PXDNL: variants seen among roughly 807,000 people sequenced by gnomAD.
The protein encoded by PXDNL is peroxidasin like, also known as probable oxidoreductase PXDNL.
In PXDNL, 145 loss-of-function variants were observed where a neutral mutation model predicts 150.8. The observed-to-expected ratio is 0.96, with a 90% CI of 0.84 to 1.10. The LOEUF (loss-of-function observed/expected upper bound fraction) is 1.10, where lower values mean the gene tolerates loss of function less well. PXDNL is among the 50% of genes least tolerant of loss of function. The pLI is 0.00. For missense variants in PXDNL, 2,087 were observed against 1,873.9 expected (o/e 1.11, Z -2.10); for synonymous variants, 757 against 725.7 (o/e 1.04, Z -0.69).
intron 2 of PXDNL, among the ~76,000 whole-genome samples, chr8:51,644,464 T>G (rs1814871535): frequency 8.0e-6 from 1 of 124,948 alleles, no homozygotes; most frequent in Non-Finnish European, 1.8e-5. Flanking sequence ...TGTTTTTGTT[T>G]TTGTTTTTGT....
intron 1 of PXDNL, among the ~76,000 whole-genome samples, chr8:51,722,532 T>C (rs1191253763): frequency 6.6e-6 from 1 of 152,130 alleles, no homozygotes; most frequent in African/African-American, 2.4e-5. Flanking sequence ...ACACACAGAC[T>C]CAGGGATGAA....
At chr8:51,544,877 T>G (rs1264793555) in intron 4 of PXDNL, among the ~76,000 whole-genome samples, 1 of 151,544 alleles carries the variant, frequency 6.6e-6, no homozygotes, top group African/African-American at 2.4e-5. Flanking sequence ...ATGGATGATG[T>G]ACAATAAGAA....
chr8:51,409,110 G>A lies in PXDNL; in HGVS notation c.2514C>T (p.Asn838=), dbSNP rs751227136. Reference sequence around the variant, plus strand: ...TGTTCATGGGGAAACAAGGAGGGTCGTTGGTGCAGACGGAGCTGCACGGCC... The same window carrying A: ...TGTTCATGGGGAAACAAGGAGGGTCATTGGTGCAGACGGAGCTGCACGGCC... ...DGRPCSSVCT[N]DPPCFPMNTR... is the part of the protein sequence containing the mutation. The change falls in exon 17 of 23, where the codon AAC becomes AAT. Residue 838 remains asparagine, a synonymous_variant. Coordinates refer to ENST00000356297, the MANE Select transcript of PXDNL (RefSeq NM_144651.5). 21 of 1,608,788 alleles carry A rather than the reference G, an allele frequency of 1.3e-5. No individual in the cohort carries two copies. Among genetic ancestry groups the A allele is most frequent in the Non-Finnish European group, 1.7e-5 (20 of 1,179,342 alleles).
chr8:51,324,729 T>A (rs917004855), intron 21 of PXDNL, among the ~76,000 whole-genome samples: 3 of 152,244 alleles, frequency 2.0e-5, no homozygotes, highest in Non-Finnish European at 4.4e-5. Context: ...CATCAACTGA[T>A]CTTTTTTATT....
At chr8:51,445,423 T>G (rs1269976849) in intron 12 of PXDNL, among the ~76,000 whole-genome samples, 1 of 152,214 alleles carries the variant, frequency 6.6e-6, no homozygotes, top group Non-Finnish European at 1.5e-5. Context: ...TGCTTCCATA[T>G]TCATGCCAAT....
At chr8:51,792,665 G>A (rs2037524242) in intron 1 of PXDNL, among the ~76,000 whole-genome samples, 2 of 152,170 alleles carry the variant, frequency 1.3e-5, no homozygotes, top group South Asian at 4.1e-4. Context: ...AGACTGGATG[G>A]TTTGGACCCA....
intron 1 of PXDNL, among the ~76,000 whole-genome samples, chr8:51,716,844 G>A (rs941256302): frequency 6.6e-6 from 1 of 152,174 alleles, no homozygotes; most frequent in Admixed American, 6.5e-5. Context: ...GCAAGCAAGG[G>A]GAAGAGATGC....
At chr8:51,749,635 G>A (rs940785314) in intron 1 of PXDNL, among the ~76,000 whole-genome samples, 3 of 152,180 alleles carry the variant, frequency 2.0e-5, no homozygotes, top group African/African-American at 7.2e-5. Context: ...TGAAGGCCTA[G>A]GACATTACTG....
At chr8:51,599,266 T>C (rs1453180930) in intron 2 of PXDNL, among the ~76,000 whole-genome samples, 1 of 152,018 alleles carries the variant, frequency 6.6e-6, no homozygotes, top group Non-Finnish European at 1.5e-5. Flanking sequence ...ACTTCTTTTC[T>C]CCTGCTAGTT....
chr8:51,534,094 G>C (rs879199768), intron 4 of PXDNL, among the ~76,000 whole-genome samples: 1 of 144,152 alleles, frequency 6.9e-6, no homozygotes, highest in Admixed American at 6.7e-5. Flanking sequence ...GTCTCTGCCC[G>C]GCCGCCCATG....
At chr8:51,788,613 C>A (rs1316125648) in intron 1 of PXDNL, among the ~76,000 whole-genome samples, 1 of 152,148 alleles carries the variant, frequency 6.6e-6, no homozygotes, top group Non-Finnish European at 1.5e-5. Flanking sequence ...TCTCAGGGCT[C>A]CCTCTTTCCC....
intron 4 of PXDNL, among the ~76,000 whole-genome samples, chr8:51,550,356 C>A (rs759821386): frequency 2.0e-5 from 3 of 151,906 alleles, no homozygotes; most frequent in Non-Finnish European, 4.4e-5. Context: ...ACCATAATAC[C>A]AAAACGAGGA....
chr8:51,350,915 G>A (rs1319125042), intron 19 of PXDNL, among the ~76,000 whole-genome samples: 2 of 152,004 alleles, frequency 1.3e-5, no homozygotes, highest in African/African-American at 4.8e-5. Flanking sequence ...AATAACTCCT[G>A]TATTAATAGC....
intron 2 of PXDNL, among the ~76,000 whole-genome samples, chr8:51,598,768 A>C (rs144011717): frequency 0.011 from 1,731 of 152,182 alleles, 14 homozygotes; most frequent in South Asian, 0.025. Flanking sequence ...TGAGTTATGG[A>C]AAGGTGCCTC....
At chr8:51,600,990 T>C (rs1230845845) in intron 2 of PXDNL, among the ~76,000 whole-genome samples, 1 of 142,776 alleles carries the variant, frequency 7.0e-6, no homozygotes, top group African/African-American at 2.6e-5. Context: ...AATTATATCT[T>C]ATATAAATTA....
At chr8:51,424,680 C>G (rs1809045688) in intron 13 of PXDNL, among the ~76,000 whole-genome samples, 1 of 152,088 alleles carries the variant, frequency 6.6e-6, no homozygotes, top group Non-Finnish European at 1.5e-5. Context: ...AGGAAATGGC[C>G]TTATGAAATT....
intron 1 of PXDNL, among the ~76,000 whole-genome samples, chr8:51,745,605 C>T (rs2036974968): frequency 6.6e-6 from 1 of 152,186 alleles, no homozygotes; most frequent in African/African-American, 2.4e-5. Flanking sequence ...AGTCATGTCT[C>T]CTTTCAGGCC....
chr8:51,701,813 C>CACGGGA (rs1554568968), intron 1 of PXDNL, among the ~76,000 whole-genome samples: 1 of 151,380 alleles, frequency 6.6e-6, no homozygotes, highest in Non-Finnish European at 1.5e-5. Context: ...ATTTTTCAGA[C>CACGGGA]ATTTTCGAAA....
At chr8:51,795,832 C>T (rs559558109) in intron 1 of PXDNL, among the ~76,000 whole-genome samples, 6 of 152,274 alleles carry the variant, frequency 3.9e-5, no homozygotes, top group Admixed American at 6.5e-5. Context: ...GTGAGACTTA[C>T]ATTTATTCAG....
Sources: gnomAD v4.1 joint callset for allele counts (sites outside exome capture counted in the v4.1 genomes callset) on GRCh38, gnomAD v4.1.1 for gene constraint, MANE v1.5 for transcripts, NCBI Gene and HGNC (gene_info 2026-07-23, HGNC 2026-07-21) for gene names.